Variants in MALRD1 observed in about 807,000 individuals in gnomAD.
MALRD1 encodes the protein MAM and LDL receptor class A domain containing 1, also known as MAM and LDL-receptor class A domain-containing protein 1.
Under a neutral mutation model 242.1 loss-of-function variants are expected in MALRD1, and 247 were observed. The observed-to-expected ratio is 1.02, with a 90% CI of 0.92 to 1.13. MALRD1 has a LOEUF of 1.13. Among genes scored for constraint, MALRD1 ranks in the 50% most tolerant of loss-of-function variants. The pLI is 0.00. For synonymous variants in MALRD1, 995 were observed against 866.6 expected (o/e 1.15, Z -2.60); for missense variants, 2,989 against 2,533.1 (o/e 1.18, Z -3.86).
intron 18 of MALRD1, among the ~76,000 whole-genome samples, chr10:19,233,377 CTG>C (rs1429545137): frequency 2.6e-5 from 4 of 152,098 alleles, no homozygotes; most frequent in Non-Finnish European, 5.9e-5. Flanking sequence ...TGGCGAGTGC[CTG>C]TCATCCCAGC....
chr10:19,427,984 A>G (rs1833964845), intron 28 of MALRD1, among the ~76,000 whole-genome samples: 1 of 152,106 alleles, frequency 6.6e-6, no homozygotes, highest in Non-Finnish European at 1.5e-5. Flanking sequence ...TGCATACACT[A>G]ATTTCCTGAG....
intron 14 of MALRD1, among the ~76,000 whole-genome samples, chr10:19,178,089 A>G (rs1388966954): frequency 1.3e-5 from 2 of 152,172 alleles, no homozygotes. Flanking sequence ...TCATTACTAA[A>G]GTTAACCTTA....
chr10:19,070,137 T>A (rs770928323), intron 2 of MALRD1, among the ~76,000 whole-genome samples: 11 of 152,158 alleles, frequency 7.2e-5, no homozygotes, highest in Non-Finnish European at 1.6e-4. Flanking sequence ...CTACTGATAA[T>A]CCTATCCAGT....
chr10:19,074,173 C>T (rs1835246267), intron 2 of MALRD1, among the ~76,000 whole-genome samples: 1 of 152,076 alleles, frequency 6.6e-6, no homozygotes, highest in African/African-American at 2.4e-5. Context: ...TCCTTGCCTT[C>T]TTTTTCTTCC....
intron 26 of MALRD1, among the ~76,000 whole-genome samples, chr10:19,369,581 A>C (rs1321953128): frequency 6.7e-6 from 1 of 149,418 alleles, no homozygotes; most frequent in African/African-American, 2.4e-5. Flanking sequence ...ATATGTGAAT[A>C]TATCCATATA....
intron 2 of MALRD1, among the ~76,000 whole-genome samples, chr10:19,081,691 C>G (rs1313195578): frequency 6.6e-6 from 1 of 151,848 alleles, no homozygotes. Context: ...ATGGATTGAT[C>G]TGTGCAGCAA....
chr10:19,729,014 T>A (rs2131934699), intron 38 of MALRD1, among the ~76,000 whole-genome samples: 1 of 152,336 alleles, frequency 6.6e-6, no homozygotes, highest in African/African-American at 2.4e-5. Context: ...TTTTCAATAA[T>A]AACCCACAAA....
chr10:19,216,897 G>A (rs1245146295), intron 18 of MALRD1, among the ~76,000 whole-genome samples: 2 of 149,626 alleles, frequency 1.3e-5, no homozygotes, highest in African/African-American at 4.9e-5. Context: ...AGTGAGCCAA[G>A]ATCACGCCAC....
chr10:19,686,093 G>C (rs774272926), intron 36 of MALRD1, among the ~76,000 whole-genome samples: 8 of 152,060 alleles, frequency 5.3e-5, no homozygotes, highest in Non-Finnish European at 1.0e-4. Flanking sequence ...GAGTTCCACC[G>C]AGGGGCATAA....
intron 4 of MALRD1, among the ~76,000 whole-genome samples, chr10:19,091,983 A>G (rs1322009178): frequency 2.0e-5 from 1 of 50,382 alleles, no homozygotes; most frequent in East Asian, 6.0e-4. Context: ...GTTCTTTTAC[A>G]TTTGCTGAGG....
At chr10:19,546,505 A>C (rs1835213496) in intron 32 of MALRD1, among the ~76,000 whole-genome samples, 1 of 152,078 alleles carries the variant, frequency 6.6e-6, no homozygotes, top group South Asian at 2.1e-4. Context: ...GGAATCAGCA[A>C]CTCCTAACCC....
intron 27 of MALRD1, among the ~76,000 whole-genome samples, chr10:19,388,481 G>A (rs1052393609): frequency 2.6e-5 from 4 of 152,276 alleles, no homozygotes; most frequent in East Asian, 1.9e-4. Context: ...TGCCACTCAT[G>A]TGATCATTAG....
intron 26 of MALRD1, among the ~76,000 whole-genome samples, chr10:19,377,658 T>A (rs1284892094): frequency 1.3e-5 from 2 of 151,930 alleles, no homozygotes; most frequent in Non-Finnish European, 1.5e-5. Flanking sequence ...TCATTTTTGA[T>A]ACAAATCCTA....
chr10:19,562,336 GATA>G (rs1836013393), intron 32 of MALRD1, among the ~76,000 whole-genome samples: 1 of 144,608 alleles, frequency 6.9e-6, no homozygotes, highest in Non-Finnish European at 1.5e-5. Flanking sequence ...TAGATAGATA[GATA>G]GATAGTTAGA....
Position 19,331,524 on chromosome 10 carries a change from G to T in MALRD1, c.3843G>T (p.Lys1281Asn). ...ATAAGCACTGCATTGCCAAAGACAAGCTGTGTGATTTTGTGAATGATTGTG... is the reference window on the plus strand; with the variant it reads ...ATAAGCACTGCATTGCCAAAGACAATCTGTGTGATTTTGTGAATGATTGTG... ...CANKHCIAKD[K>N]LCDFVNDCAD... The change falls in exon 24 of 40, where the codon AAG becomes AAT. Residue 1281 changes from lysine to asparagine, a missense_variant. By Grantham distance (94) the Lys-to-Asn change is moderately conservative (BLOSUM62 0). Transcript: ENST00000454679. 2 of 1,550,306 alleles carry T rather than the reference G, an allele frequency of 1.3e-6. No homozygotes were observed. Among genetic ancestry groups the T allele is most frequent in the Non-Finnish European group, 1.7e-6 (2 of 1,146,804 alleles).
At chr10:19,362,523 C>T (rs1325213193) in intron 26 of MALRD1, among the ~76,000 whole-genome samples, 1 of 152,002 alleles carries the variant, frequency 6.6e-6, no homozygotes, top group Non-Finnish European at 1.5e-5. Context: ...AAGAGAGAAT[C>T]CCACACATAG....
rs111959369 is a variant in MALRD1, at chr10:19,443,627, G to C, written c.4846-6680G>C. Among the ~76,000 whole-genome samples, 5 of 152,244 alleles carry C rather than the reference G, an allele frequency of 3.3e-5. No homozygotes were observed. In the East Asian group the frequency reaches 9.6e-4, roughly 29 times the overall value. ...TTGTTCAGTTTCCATGTAGTTGAGCGGTTTTGAGTGAGTTTCTTAATCCTG... is the reference window on the plus strand; with the variant it reads ...TTGTTCAGTTTCCATGTAGTTGAGCCGTTTTGAGTGAGTTTCTTAATCCTG... On this transcript the variant is annotated intron_variant, in intron 28 of 39. Transcript: ENST00000454679.
At chr10:19,569,088 T>C (rs1450519977) in intron 33 of MALRD1, among the ~76,000 whole-genome samples, 1 of 152,170 alleles carries the variant, frequency 6.6e-6, no homozygotes, top group African/African-American at 2.4e-5. Context: ...AGATCGATAT[T>C]CATATAGTAA....
chr10:19,242,475 T>C (rs1025379626), intron 18 of MALRD1, among the ~76,000 whole-genome samples: 4 of 152,182 alleles, frequency 2.6e-5, no homozygotes, highest in Non-Finnish European at 4.4e-5. Flanking sequence ...ATTTTTTGGT[T>C]GATTTTCTCT....
Sources: allele counts gnomAD v4.1 joint callset (sites outside exome capture counted in the v4.1 genomes callset), GRCh38; gene constraint gnomAD v4.1.1; transcripts MANE v1.5; gene names NCBI Gene and HGNC (gene_info 2026-07-23, HGNC 2026-07-21).